PBRM1: variants seen among roughly 807,000 people sequenced by gnomAD.
The protein encoded by PBRM1 is polybromo 1.
PBRM1 carries 27 observed loss-of-function variants against 194.5 expected under a neutral mutation model. The observed-to-expected ratio is 0.14, with a 90% CI of 0.10 to 0.19. PBRM1 has a LOEUF of 0.19. Ranked by LOEUF, PBRM1 falls within the 10% of genes least tolerant of loss-of-function variation. The pLI, the probability that PBRM1 is intolerant of heterozygous loss-of-function variation, is 1.00. For synonymous variants in PBRM1, 655 were observed against 693.2 expected (o/e 0.94, Z 0.87); for missense variants, 1,466 against 2,077.2 (o/e 0.71, Z 5.72).
chr3:52,634,562 C>G, intron 11 of PBRM1, 40 bp downstream of exon 12: 1 of 1,316,108 alleles, frequency 7.6e-7, no homozygotes, highest in Non-Finnish European at 1.1e-6. Flanking sequence ...TCAGCCACAA[C>G]AAAATAAAAT....
intron 17 of PBRM1, among the ~76,000 whole-genome samples, chr3:52,599,999 G>A (rs2153263162): frequency 6.6e-6 from 1 of 152,146 alleles, no homozygotes; most frequent in South Asian, 2.1e-4. Flanking sequence ...GTGCATTTCA[G>A]TGATATTAAT....
chr3:52,577,017 C>A (rs939653024), intron 21 of PBRM1, among the ~76,000 whole-genome samples: 1 of 152,190 alleles, frequency 6.6e-6, no homozygotes, highest in Non-Finnish European at 1.5e-5. Flanking sequence ...CAGAACTAAG[C>A]ATTTGTCATT....
chr3:52,591,241 C>T (rs1191447584), intron 17 of PBRM1, among the ~76,000 whole-genome samples: 3 of 152,234 alleles, frequency 2.0e-5, no homozygotes, highest in East Asian at 3.9e-4. Flanking sequence ...TTTGAATACC[C>T]TTTATTTCTC....
chr3:52,588,994 T>C, intron 18 of PBRM1, 76 bp downstream of exon 20: 1 of 1,031,402 alleles, frequency 9.7e-7, no homozygotes, highest in Non-Finnish European at 1.5e-6. Flanking sequence ...GAGTTAAAAT[T>C]TTCTTCCCTG....
upstream of PBRM1, among the ~76,000 whole-genome samples, chr3:52,682,652 G>A (rs2097224278): frequency 6.6e-6 from 1 of 152,196 alleles, no homozygotes; most frequent in African/African-American, 2.4e-5. Flanking sequence ...TAAGGTGGGA[G>A]AAACAACAGG....
chr3:52,672,142 T>C (rs888901609), intron 2 of PBRM1, among the ~76,000 whole-genome samples: 1 of 152,192 alleles, frequency 6.6e-6, no homozygotes, highest in Non-Finnish European at 1.5e-5. Context: ...AAGGTTTCCT[T>C]GCCTTTTTCA....
chr3:52,663,884 C>T (rs2096775313), intron 3 of PBRM1, among the ~76,000 whole-genome samples: 1 of 151,990 alleles, frequency 6.6e-6, no homozygotes, highest in Non-Finnish European at 1.5e-5. Flanking sequence ...ACAGTGAAAC[C>T]TCATCTCTAC....
At chr3:52,578,954 CA>C in intron 21 of PBRM1, 99 bp downstream of exon 23, 1 of 1,101,148 alleles carries the variant, frequency 9.1e-7, no homozygotes, top group South Asian at 1.2e-5. Flanking sequence ...GAGAAACTGC[CA>C]GGGGAAGGAC....
Position 52,642,050 on chromosome 3 carries a change from A to AT in PBRM1, c.996-6_996-5insA. The AT allele has an allele frequency of 1.4e-5, 7 of 497,732 alleles. No homozygotes were observed. Among genetic ancestry groups the AT allele is most frequent in the Non-Finnish European group, 2.1e-5 (7 of 329,324 alleles). 30.8% of individuals were successfully genotyped at this position (497,732 alleles called of 1,614,324 possible). ...CCTTGTACTGCTCTTTTATTACTAC[A>AT]AAAAAAAAAAAAGCAATTAGACAGG... On this transcript the variant is annotated splice_polypyrimidine_tract_variant and splice_region_variant and intron_variant, in intron 9 of 29. Coordinates refer to ENST00000296302, the Ensembl canonical transcript of PBRM1.
intron 10 of PBRM1, among the ~76,000 whole-genome samples, chr3:52,637,942 G>T (rs977395581): frequency 6.6e-6 from 1 of 151,778 alleles, no homozygotes; most frequent in Non-Finnish European, 1.5e-5. Flanking sequence ...GCGAAACTCC[G>T]TCTCAAGAGA....
intron 27 of PBRM1, chr3:52,551,981 A>AT (rs549794462): frequency 6.6e-6 from 1 of 152,232 alleles, no homozygotes; most frequent in Admixed American, 6.5e-5. Context: ...TCCAGGAAGC[A>AT]TAAGAGAGCC....
chr3:52,584,449 G>GTTTTT (rs2092000766), intron 20 of PBRM1, among the ~76,000 whole-genome samples: 1 of 80,792 alleles, frequency 1.2e-5, no homozygotes, highest in Non-Finnish European at 2.3e-5. Context: ...AAGTATTCTT[G>GTTTTT]CTTTTTTTTT....
downstream of PBRM1, chr3:52,547,977 G>T: frequency 1.7e-6 from 2 of 1,149,572 alleles, no homozygotes; most frequent in Non-Finnish European, 1.3e-6. Context: ...ATCCTCCTTT[G>T]TTCCTTCCCC....
intron 2 of PBRM1, among the ~76,000 whole-genome samples, chr3:52,669,823 C>T (rs568363353): frequency 6.0e-4 from 91 of 152,170 alleles, no homozygotes; most frequent in African/African-American, 2.0e-3. Flanking sequence ...AAATAAGGAC[C>T]ACAACTCAAC....
intron 7 of PBRM1, among the ~76,000 whole-genome samples, chr3:52,646,807 C>T (rs2028216): frequency 0.34 from 51,400 of 152,006 alleles, 9,697 homozygotes; most frequent in Admixed American, 0.46. Context: ...CTATAAACTT[C>T]TTACAAGAAA....
chr3:52,584,163 G>A (rs912070006), intron 20 of PBRM1, among the ~76,000 whole-genome samples: 1 of 151,984 alleles, frequency 6.6e-6, no homozygotes, highest in Admixed American at 6.6e-5. Context: ...ATCTATGCAA[G>A]TCTTTTATGT....
chr3:52,554,075 C>T (rs141107490), intron 27 of PBRM1, among the ~76,000 whole-genome samples: 1 of 152,332 alleles, frequency 6.6e-6, no homozygotes, highest in African/African-American at 2.4e-5. Flanking sequence ...GCTGGGATTA[C>T]AGGCATGAGC....
intron 19 of PBRM1, 127 bp downstream of exon 21, chr3:52,587,226 T>G: frequency 1.3e-6 from 1 of 745,822 alleles, no homozygotes. Flanking sequence ...CATATAGCTA[T>G]ATAGACACGG....
At chr3:52,648,811 A>G (rs987281629) in intron 6 of PBRM1, among the ~76,000 whole-genome samples, 4 of 152,242 alleles carry the variant, frequency 2.6e-5, no homozygotes, top group African/African-American at 7.2e-5. Context: ...AATAGTGTGA[A>G]GCAAAACTCC....
Sources: allele counts gnomAD v4.1 joint callset (sites outside exome capture counted in the v4.1 genomes callset), GRCh38; gene constraint gnomAD v4.1.1; transcripts MANE v1.5; gene names NCBI Gene and HGNC (gene_info 2026-07-23, HGNC 2026-07-21).